Variants in KREMEN1 observed in about 807,000 individuals in gnomAD.
KREMEN1 encodes kringle containing transmembrane protein 1, also known as kremen protein 1.
KREMEN1 carries 30 observed loss-of-function variants against 46.5 expected under a neutral mutation model. The ratio of observed to expected loss-of-function variants is 0.65; its 90% CI spans 0.48 to 0.88. The LOEUF (loss-of-function observed/expected upper bound fraction) is 0.88. KREMEN1 is among the 40% of genes least tolerant of loss of function. KREMEN1 has a pLI of 0.00. For synonymous variants in KREMEN1, 214 were observed against 230.6 expected, an observed-to-expected ratio of 0.93 and a Z score of 0.65; for missense variants, 533 against 596.9, an observed-to-expected ratio of 0.89 and a Z score of 1.11.
At position 29,144,315 on chromosome 22, in the gene KREMEN1, G is replaced by A. The variant is rs552351982; in HGVS notation, c.*2203G>A. 8.1e-6 allele frequency: 8 copies of A among 985,742 alleles called. No individual in the cohort carries two copies. The highest frequency in any genetic ancestry group is 1.0e-3 in the Middle Eastern group (2 of 1,916). 61.1% of individuals were successfully genotyped at this position (985,742 alleles called of 1,614,324 possible). On this transcript the variant is annotated 3_prime_UTR_variant, in exon 9 of 9. Coordinates refer to ENST00000400335, the MANE Select transcript of KREMEN1 (RefSeq NM_001039570.3). ...GTGTCTGCAGGGAGAGGTGGCACTCGGCAGCCTGAGTTCAGGAGAGGTGCT... is the reference window on the plus strand; with the variant it reads ...GTGTCTGCAGGGAGAGGTGGCACTCAGCAGCCTGAGTTCAGGAGAGGTGCT...
Position 29,073,839 on chromosome 22 carries a change from C to T in KREMEN1, c.97+612C>T, listed in dbSNP as rs2037519054. Reference sequence around the variant, plus strand: ...CCGGGACGACCCCTGCTCCCCAGTACCTCCTGGGATCCCGCCCCAAGTCCT... The same window carrying T: ...CCGGGACGACCCCTGCTCCCCAGTATCTCCTGGGATCCCGCCCCAAGTCCT... On this transcript the variant is annotated intron_variant, in intron 1 of 8. Transcript: ENST00000400335. This position sits in a 1 kb window ranked among gnomAD's most constrained non-coding sequence, Gnocchi z 4.4. 1.3e-5 allele frequency among the ~76,000 whole-genome samples: 2 copies of T among 152,172 alleles called. No homozygotes were observed. The highest frequency in any genetic ancestry group is 2.9e-5 in the Non-Finnish European group (2 of 68,006).
At chr22:29,121,908 T>C (rs1191181592) in intron 4 of KREMEN1, among the ~76,000 whole-genome samples, 1 of 152,098 alleles carries the variant, frequency 6.6e-6, no homozygotes, top group African/African-American at 2.4e-5. Flanking sequence ...CCTAAAATAT[T>C]GGGTTAGACA....
intron 3 of KREMEN1, among the ~76,000 whole-genome samples, chr22:29,102,642 AG>A (rs1268586330): frequency 2.2e-4 from 34 of 152,246 alleles, no homozygotes; most frequent in African/African-American, 8.0e-4. Flanking sequence ...CATTGAAACC[AG>A]GTTCCAGAAG....
rs1216694424 is a variant in KREMEN1 at position 29,146,730 on chromosome 22, G to A, written c.*4618G>A. The A allele has an allele frequency of 1.1e-6, 1 of 932,438 alleles. No individual in the cohort carries two copies. Among genetic ancestry groups the A allele is most frequent in the East Asian group, 1.2e-4 (1 of 8,578 alleles). The allele number at this position is 932,438 out of a possible 1,614,324, so 57.8% of individuals were successfully genotyped here. Reference sequence around the variant, plus strand: ...ATATTTTTAGGGTTTTGTTATTTAAGAAAATGGAATGTAATGGTACTTTTA... The same window carrying A: ...ATATTTTTAGGGTTTTGTTATTTAAAAAAATGGAATGTAATGGTACTTTTA... On this transcript the variant is annotated 3_prime_UTR_variant, in exon 9 of 9. Transcript: ENST00000400335.
At chr22:29,167,191 C>A in exon 10 of KREMEN1, 1 of 1,116,638 alleles carries the variant, frequency 9.0e-7, no homozygotes, top group Non-Finnish European at 1.3e-6. Flanking sequence ...TCTCCTCGCA[C>A]AGAAATGGTG....
chr22:29,073,221 G>A lies in KREMEN1; in HGVS notation c.91G>A (p.Gly31Arg), dbSNP rs1325418371. Residue 31 changes from glycine to arginine, a missense_variant, in exon 1 of 9, where the codon GGA (glycine) becomes AGA (arginine). Coordinates refer to ENST00000400335, the MANE Select transcript of KREMEN1 (RefSeq NM_001039570.3). The surrounding 1 kb of genome is among the most constrained non-coding windows in gnomAD (Gnocchi z 4.4). Reference sequence around the variant, plus strand: ...CGCGCCTAGCCCCGGCCTCGGCCCCGGACCCGGTGAGTGTGAGCGACCCCC... The same window carrying A: ...CGCGCCTAGCCCCGGCCTCGGCCCCAGACCCGGTGAGTGTGAGCGACCCCC... ...RPAPSPGLGP[G>R]PECFTANGAD... The A allele has an allele frequency of 6.8e-6, 8 of 1,168,706 alleles. No individual in the cohort carries two copies. Among genetic ancestry groups the A allele is most frequent in the Admixed American group, 4.6e-5 (1 of 21,614 alleles). 72.4% of individuals were successfully genotyped at this position (1,168,706 alleles called of 1,614,324 possible).
intron 1 of KREMEN1, among the ~76,000 whole-genome samples, chr22:29,085,703 A>G (rs144105556): frequency 6.6e-6 from 1 of 152,276 alleles, no homozygotes; most frequent in Non-Finnish European, 1.5e-5. Context: ...GGCCGGGCAC[A>G]ATAGCTCTTG....
chr22:29,113,715 A>C (rs891074691), intron 3 of KREMEN1, among the ~76,000 whole-genome samples: 16 of 152,192 alleles, frequency 1.1e-4, no homozygotes, highest in Non-Finnish European at 1.8e-4. Flanking sequence ...TCCTGGACAC[A>C]TGGTGGTGGC....
At chr22:29,152,493 T>C (rs1329659827) in intron 9 of KREMEN1, among the ~76,000 whole-genome samples, 1 of 152,306 alleles carries the variant, frequency 6.6e-6, no homozygotes, top group East Asian at 1.9e-4. Context: ...TCCAGTCTCT[T>C]AGAAACTCGC....
chr22:29,094,737 C>T (rs569892566), intron 2 of KREMEN1, among the ~76,000 whole-genome samples: 69 of 151,900 alleles, frequency 4.5e-4, no homozygotes, highest in Non-Finnish European at 9.6e-4. Context: ...CATTCTCCTG[C>T]CTCAGCCTCC....
At chr22:29,083,939 C>T (rs1309038515) in intron 1 of KREMEN1, among the ~76,000 whole-genome samples, 1 of 152,094 alleles carries the variant, frequency 6.6e-6, no homozygotes, top group Admixed American at 6.5e-5. Flanking sequence ...AGAGCAGCCC[C>T]GAGGGCAGCT....
At chr22:29,164,003 A>C (rs1474962393) in intron 9 of KREMEN1, among the ~76,000 whole-genome samples, 1 of 151,746 alleles carries the variant, frequency 6.6e-6, no homozygotes, top group Admixed American at 6.6e-5. Flanking sequence ...ATCATAGCGC[A>C]CTGCAGCCTC....
At chr22:29,114,138 T>C (rs2145797662) in intron 3 of KREMEN1, among the ~76,000 whole-genome samples, 1 of 152,130 alleles carries the variant, frequency 6.6e-6, no homozygotes, top group East Asian at 1.9e-4. Context: ...TAATTAGGCT[T>C]AGATGAGGTC....
At chr22:29,152,690 C>A (rs1272781060) in intron 9 of KREMEN1, among the ~76,000 whole-genome samples, 1 of 152,064 alleles carries the variant, frequency 6.6e-6, no homozygotes, top group Non-Finnish European at 1.5e-5. Context: ...CACTGCCTGC[C>A]AAGCACAACC....
downstream of KREMEN1, among the ~76,000 whole-genome samples, chr22:29,150,221 T>TG (rs132284): frequency 4.0e-3 from 600 of 150,502 alleles, 4 homozygotes; most frequent in African/African-American, 8.6e-3. Context: ...CAGCAACTGG[T>TG]GGGGGGGGGG....
chr22:29,156,119 C>T (rs2038959185), intron 9 of KREMEN1, among the ~76,000 whole-genome samples: 1 of 152,224 alleles, frequency 6.6e-6, no homozygotes, highest in African/African-American at 2.4e-5. Flanking sequence ...TGCTTGCCCC[C>T]AGGAAGGGGG....
At position 29,113,809 on chromosome 22, in the gene KREMEN1, G is replaced by T. The variant is rs532856716; in HGVS notation, c.353-7548G>T. Among the ~76,000 whole-genome samples the T allele has an allele frequency of 3.9e-5, 6 of 152,320 alleles. No homozygotes were observed. In the South Asian group the frequency reaches 1.2e-3, roughly 32 times the overall value. ...TGAGCCACAGTGTGGATGGCAGAAA[G>T]TGAGGAGCATAATGGCCCTCCCTCT... On this transcript the variant is annotated intron_variant, in intron 3 of 8. Coordinates refer to ENST00000400335, the MANE Select transcript of KREMEN1 (RefSeq NM_001039570.3).
At chr22:29,114,486 CAAAA>C (rs134685) in intron 3 of KREMEN1, among the ~76,000 whole-genome samples, 3 of 88,078 alleles carry the variant, frequency 3.4e-5, no homozygotes, top group Non-Finnish European at 6.2e-5. Flanking sequence ...AACTCCGTGT[CAAAA>C]AAAAAAAAAA....
intron 9 of KREMEN1, among the ~76,000 whole-genome samples, chr22:29,164,556 G>A (rs1330770064): frequency 1.3e-5 from 2 of 152,024 alleles, no homozygotes; most frequent in African/African-American, 2.4e-5. Context: ...GACCAGCCTG[G>A]CCAACACAGT....
Sources: allele counts gnomAD v4.1 joint callset (sites outside exome capture counted in the v4.1 genomes callset), GRCh38; gene constraint gnomAD v4.1.1; non-coding constraint Gnocchi (gnomAD v3.1); transcripts MANE v1.5; gene names NCBI Gene and HGNC (gene_info 2026-07-23, HGNC 2026-07-21).